The following CMPK1 variants were observed in gnomAD, a reference collection of about 807,000 sequenced individuals.
The protein encoded by CMPK1 is cytidine/uridine monophosphate kinase 1.
In CMPK1, 10 loss-of-function variants were observed where a neutral mutation model predicts 25.7. That is an observed-to-expected ratio of 0.39 (90% CI 0.24 to 0.66). The LOEUF (loss-of-function observed/expected upper bound fraction) is 0.66, where lower values mean the gene tolerates loss of function less well. Ranked by LOEUF, CMPK1 falls within the 30% of genes least tolerant of loss-of-function variation. The probability of loss-of-function intolerance (pLI) is 0.48; values close to 1 mark genes in which losing one functional copy is unlikely to be tolerated. For synonymous variants in CMPK1, 106 were observed against 101.5 expected, an observed-to-expected ratio of 1.04 and a Z score of -0.27; for missense variants, 199 against 280.5, an observed-to-expected ratio of 0.71 and a Z score of 2.08.
Position 47,333,825 on chromosome 1 carries a change from C to A in CMPK1, c.-121C>A, listed in dbSNP as rs1570342514. ...AGGGCCGCGGACGCCCGGGCAGCCACGGCGGCGGGGCCGCGGCGGGCGCCG... is the reference window on the plus strand; with the variant it reads ...AGGGCCGCGGACGCCCGGGCAGCCAAGGCGGCGGGGCCGCGGCGGGCGCCG... On this transcript the variant is annotated 5_prime_UTR_variant, in exon 1 of 6. Transcript: ENST00000371873. 1 of 537,948 alleles carries A rather than the reference C, an allele frequency of 1.9e-6. No homozygotes were observed. The highest frequency in any genetic ancestry group is 1.4e-4 in the East Asian group (1 of 7,052). 33.3% of individuals were successfully genotyped at this position (537,948 alleles called of 1,614,324 possible).
intron 1 of CMPK1, among the ~76,000 whole-genome samples, chr1:47,352,470 G>A (rs955601447): frequency 8.6e-5 from 13 of 150,598 alleles, no homozygotes; most frequent in African/African-American, 2.2e-4. Flanking sequence ...ATAGTGCCAC[G>A]AGTTGGGAGT....
chr1:47,352,567 A>G (rs1471493966), intron 1 of CMPK1, among the ~76,000 whole-genome samples: 2 of 152,188 alleles, frequency 1.3e-5, no homozygotes, highest in Admixed American at 1.3e-4. Flanking sequence ...TGACCAGTTC[A>G]AGGGCATAAT....
chr1:47,352,581 G>A (rs1342215903), intron 1 of CMPK1, among the ~76,000 whole-genome samples: 1 of 152,122 alleles, frequency 6.6e-6, no homozygotes, highest in Non-Finnish European at 1.5e-5. Context: ...GCATAATTGA[G>A]TTCAAGTTAA....
At chr1:47,369,909 C>CCCT (rs1646665704) in intron 2 of CMPK1, among the ~76,000 whole-genome samples, 1 of 93,686 alleles carries the variant, frequency 1.1e-5, no homozygotes, top group African/African-American at 4.1e-5. Flanking sequence ...CTTTCTCTCT[C>CCCT]TTTTTTTTTT....
intron 1 of CMPK1, among the ~76,000 whole-genome samples, chr1:47,338,814 G>A (rs1432013882): frequency 2.0e-5 from 3 of 151,842 alleles, no homozygotes; most frequent in Non-Finnish European, 4.4e-5. Context: ...GGAATACTGT[G>A]TCATTCTTGA....
chr1:47,362,877 ATTTTTT>A (rs1336068431), intron 1 of CMPK1, among the ~76,000 whole-genome samples: 1 of 152,092 alleles, frequency 6.6e-6, no homozygotes, highest in African/African-American at 2.4e-5. Context: ...CCCACTAGAT[ATTTTTT>A]TCTTAATGAT....
chr1:47,334,131 G>C lies in CMPK1; in HGVS notation c.171+15G>C. ...GCATCGTCGAGGTGAGGCCCGGGCA[G>C]CAGGCGGGCTCCTTGGGGCTTGACG... On this transcript the variant is annotated intron_variant, in intron 1 of 5. Coordinates refer to ENST00000371873, the MANE Select transcript of CMPK1 (RefSeq NM_016308.3). 6.7e-7 allele frequency: 1 copy of C among 1,483,236 alleles called. No homozygotes were observed. The highest frequency in any genetic ancestry group is 1.3e-5 in the South Asian group (1 of 78,752). The allele number at this position is 1,483,236 out of a possible 1,614,324, so 91.9% of individuals were successfully genotyped here. A position where few individuals can be genotyped will look rare whatever the true frequency, so the allele number is the denominator to read the frequency against.
chr1:47,369,734 G>C (rs1227310633), intron 2 of CMPK1, among the ~76,000 whole-genome samples: 1 of 149,004 alleles, frequency 6.7e-6, no homozygotes, highest in South Asian at 2.1e-4. Flanking sequence ...GCTAATTTTT[G>C]TATTTTTAAT....
At chr1:47,355,563 T>G (rs986996588) in intron 1 of CMPK1, among the ~76,000 whole-genome samples, 6 of 151,938 alleles carry the variant, frequency 3.9e-5, no homozygotes, top group Non-Finnish European at 5.9e-5. Flanking sequence ...TCCACCCGCT[T>G]CAGCTTCCCA....
chr1:47,372,596 C>A (rs939631412), intron 2 of CMPK1, among the ~76,000 whole-genome samples: 1 of 151,932 alleles, frequency 6.6e-6, no homozygotes, highest in African/African-American at 2.4e-5. Context: ...CTCTTATTGC[C>A]GCTCTTATTG....
rs1570382294 is a variant in CMPK1, at chr1:47,372,298, G to A, written c.319-657G>A. Among the ~76,000 whole-genome samples, 3 of 152,100 alleles carry A rather than the reference G, an allele frequency of 2.0e-5. No homozygotes were observed. In the East Asian group the frequency reaches 5.8e-4, roughly 29 times the overall value. On this transcript the variant is annotated intron_variant, in intron 2 of 5. Transcript: ENST00000371873. Reference sequence around the variant, plus strand: ...AGTAGAGACGGGGTTTCACCATCTTGGCCGGGCTGGTTCTTTTGTTGCCTT... The same window carrying A: ...AGTAGAGACGGGGTTTCACCATCTTAGCCGGGCTGGTTCTTTTGTTGCCTT...
chr1:47,368,625 G>C lies in CMPK1; in HGVS notation c.318+10G>C, dbSNP rs752380854. The C allele has an allele frequency of 6.4e-7, 1 of 1,571,996 alleles. No individual in the cohort carries two copies. The highest frequency in any genetic ancestry group is 1.2e-5 in the South Asian group (1 of 83,092). ...CAGTTTATTAAAGAGGGTAAGGAGT[G>C]TGAATGCCAACCAGTTCAAACCAGC... On this transcript the variant is annotated intron_variant, in intron 2 of 5. Coordinates refer to ENST00000371873, the MANE Select transcript of CMPK1 (RefSeq NM_016308.3).
chr1:47,351,378 C>T (rs1222945506), intron 1 of CMPK1, among the ~76,000 whole-genome samples: 7 of 152,122 alleles, frequency 4.6e-5, no homozygotes, highest in Non-Finnish European at 2.9e-5. Flanking sequence ...TGCGCCTGGC[C>T]CATAATGTTT....
chr1:47,371,893 TTACTTCCTG>T (rs1646679751), intron 2 of CMPK1, among the ~76,000 whole-genome samples: 1 of 152,208 alleles, frequency 6.6e-6, no homozygotes, highest in South Asian at 2.1e-4. Context: ...TGATCTTCCT[TTACTTCCTG>T]TCTTGGTTAA....
chr1:47,349,500 G>C (rs1646507255), intron 1 of CMPK1, among the ~76,000 whole-genome samples: 1 of 152,080 alleles, frequency 6.6e-6, no homozygotes, highest in Admixed American at 6.6e-5. Flanking sequence ...ACACCCAAAA[G>C]GCAAAATATC....
rs553594325 is a variant in CMPK1, at chr1:47,334,737, C to G, written c.171+621C>G. On this transcript the variant is annotated intron_variant, in intron 1 of 5. Transcript: ENST00000371873. ...GCCAGCCCTGAGGCTCGGCCCGGGT[C>G]GGGGATGGGGAAAGCCGGGAGTGCT... 2.6e-5 allele frequency among the ~76,000 whole-genome samples: 4 copies of G among 152,248 alleles called. No individual in the cohort carries two copies. In the South Asian group the frequency reaches 6.2e-4, roughly 24 times the overall value.
chr1:47,361,809 A>G lies in CMPK1; in HGVS notation c.172-6660A>G, dbSNP rs115391449. 3.0e-3 allele frequency among the ~76,000 whole-genome samples: 451 copies of G among 149,256 alleles called. 3 individuals carry two copies. The highest frequency in any genetic ancestry group is 0.01 in the African/African-American group (425 of 40,614). On this transcript the variant is annotated intron_variant, in intron 1 of 5. Transcript: ENST00000371873. ...GAGGAAAATGTTGTAATTGTCTGCA[A>G]TTGAATGGATTATATCCTTCCTTTT...
intron 1 of CMPK1, among the ~76,000 whole-genome samples, chr1:47,342,614 A>T (rs1646448935): frequency 6.7e-6 from 1 of 149,612 alleles, no homozygotes. Context: ...CTATTTTCTG[A>T]GATTTTTGAG....
In CMPK1 at chr1:47,344,593, G is replaced by A. The variant is rs181861235; in HGVS notation, c.171+10477G>A. ...GGCTCACTGCAACCTCCACTTCCCG[G>A]GTTCAAGCGATTCTCCTGCCTCAGC... On this transcript the variant is annotated intron_variant, in intron 1 of 5. Transcript: ENST00000371873. Among the ~76,000 whole-genome samples, 939 of 151,904 alleles carry A rather than the reference G, an allele frequency of 6.2e-3. 9 individuals are homozygous for A. Among genetic ancestry groups the A allele is most frequent in the African/African-American group, 0.021 (868 of 41,418 alleles).
Sources: allele counts gnomAD v4.1 joint callset (sites outside exome capture counted in the v4.1 genomes callset), GRCh38; gene constraint gnomAD v4.1.1; transcripts MANE v1.5; gene names NCBI Gene and HGNC (gene_info 2026-07-23, HGNC 2026-07-21).